CCDC158: variants seen among roughly 807,000 people sequenced by gnomAD.
The protein encoded by CCDC158 is coiled-coil domain containing 158.
In CCDC158, 116 loss-of-function variants were observed where a neutral mutation model predicts 138.6. The ratio of observed to expected loss-of-function variants is 0.84; its 90% confidence interval spans 0.72 to 0.98. The LOEUF (loss-of-function observed/expected upper bound fraction) is 0.98. Ranked by LOEUF, CCDC158 falls within the 50% of genes least tolerant of loss-of-function variation. CCDC158 has a pLI of 0.00. For synonymous variants in CCDC158, 436 were observed against 442.4 expected (o/e 0.99, Z 0.18); for missense variants, 1,265 against 1,306.1 (o/e 0.97, Z 0.48).
At chr4:76,321,854 T>C (rs745947616) in intron 24 of CCDC158, among the ~76,000 whole-genome samples, 2 of 150,226 alleles carry the variant, frequency 1.3e-5, no homozygotes, top group African/African-American at 2.4e-5. Flanking sequence ...ATGGCATTTG[T>C]AGCAACCTGC....
At chr4:76,324,393 G>A (rs187177834) in intron 23 of CCDC158, among the ~76,000 whole-genome samples, 4 of 152,102 alleles carry the variant, frequency 2.6e-5, no homozygotes, top group Admixed American at 2.6e-4. Flanking sequence ...CTCCATGTTG[G>A]TTAGGCTGGT....
intron 3 of CCDC158, chr4:76,402,252 C>T (rs984395948): frequency 6.6e-6 from 1 of 152,272 alleles, no homozygotes; most frequent in Non-Finnish European, 1.5e-5. Context: ...TGTCCTTCCC[C>T]TTCTCTGTTG....
Position 76,343,835 on chromosome 4 carries a change from G to A in CCDC158, c.2664+7161C>T, listed in dbSNP as rs192224723. On this transcript the variant is annotated intron_variant, in intron 18 of 24. Coordinates refer to ENST00000682701, the MANE Select transcript of CCDC158 (RefSeq NM_001394954.1). ...AACAAACAAACAAACAAACAAACCA[G>A]GAAAGTGTTGTATCCATGAAAGAAC... Among the ~76,000 whole-genome samples, 888 of 151,920 alleles carry A rather than the reference G, an allele frequency of 5.8e-3. 7 individuals are homozygous for A. Among genetic ancestry groups the A allele is most frequent in the African/African-American group, 0.02 (823 of 41,394 alleles).
intron 18 of CCDC158, among the ~76,000 whole-genome samples, chr4:76,349,166 C>T (rs1364471359): frequency 6.6e-6 from 1 of 152,118 alleles, no homozygotes; most frequent in Non-Finnish European, 1.5e-5. Context: ...ATTCATTCAT[C>T]TATGAGATAA....
At chr4:76,386,257 A>G (rs1022359476) in intron 4 of CCDC158, among the ~76,000 whole-genome samples, 1 of 152,238 alleles carries the variant, frequency 6.6e-6, no homozygotes, top group Non-Finnish European at 1.5e-5. Context: ...GAAGAGCACC[A>G]TCATAAGAAC....
At chr4:76,404,843 G>A (rs1728687382) in intron 2 of CCDC158, among the ~76,000 whole-genome samples, 1 of 151,804 alleles carries the variant, frequency 6.6e-6, no homozygotes, top group Non-Finnish European at 1.5e-5. Context: ...TGGGCAACAG[G>A]GCAAGACCCC....
chr4:76,367,603 T>C lies in CCDC158; in HGVS notation c.1521A>G (p.Glu507=), dbSNP rs1201568299. The change falls in exon 12 of 25, where the codon GAA becomes GAG. Residue 507 remains glutamate (E), a synonymous_variant. Coordinates refer to ENST00000682701, the MANE Select transcript of CCDC158 (RefSeq NM_001394954.1). The part of the protein sequence containing the change: ...TISDLTTSLQ[E]KERAIEATNA... ...TGGTAGCCTCGATGGCTCTCTCTTT[T>C]TCCTGGAGAGAAGTTGTCAGGTCCG... 2.5e-6 allele frequency: 4 copies of C among 1,614,230 alleles called. No homozygotes were observed. The highest frequency in any genetic ancestry group is 3.4e-6 in the Non-Finnish European group (4 of 1,180,038).
At chr4:76,364,053 C>T (rs1242960791) in intron 12 of CCDC158, among the ~76,000 whole-genome samples, 2 of 152,004 alleles carry the variant, frequency 1.3e-5, no homozygotes, top group African/African-American at 4.8e-5. Context: ...TGTCAGAAAC[C>T]CCCAGCATGG....
intron 4 of CCDC158, among the ~76,000 whole-genome samples, chr4:76,394,527 T>A (rs553334090): frequency 2.0e-5 from 3 of 151,420 alleles, no homozygotes; most frequent in Middle Eastern, 3.4e-3. Flanking sequence ...GGTTAATGGG[T>A]ACAAAAAAAA....
chr4:76,345,271 T>G (rs1722435125), intron 18 of CCDC158: 2 of 944,080 alleles, frequency 2.1e-6, no homozygotes, highest in African/African-American at 3.2e-5. Flanking sequence ...CGATACTACA[T>G]GCTCAACATC....
At position 76,403,282 on chromosome 4, in the gene CCDC158, T is replaced by A. The variant is rs908634199; in HGVS notation, c.-73-2A>T. ...CTCTTTGGTTCTTTTGGTTCCTGTCTATGAAAGACAGAGATTCAATCTTTA... is the reference window on the plus strand; with the variant it reads ...CTCTTTGGTTCTTTTGGTTCCTGTCAATGAAAGACAGAGATTCAATCTTTA... On this transcript the variant is annotated splice_acceptor_variant, in intron 2 of 24. Transcript: ENST00000682701. LOFTEE classifies it low-confidence loss of function (5UTR_SPLICE). 2 of 989,974 alleles carry A rather than the reference T, an allele frequency of 2.0e-6. No homozygotes were observed. Among genetic ancestry groups the A allele is most frequent in the Admixed American group, 2.7e-5 (1 of 37,546 alleles). 61.3% of individuals were successfully genotyped at this position (989,974 alleles called of 1,614,324 possible). A position where few individuals can be genotyped will look rare whatever the true frequency, so the allele number is the denominator to read the frequency against.
At chr4:76,361,435 G>A (rs1849216) in intron 13 of CCDC158, among the ~76,000 whole-genome samples, 90,071 of 151,680 alleles carry the variant, frequency 0.59, 27,835 homozygotes, top group East Asian at 0.79. Context: ...GGTGGTGGGC[G>A]CCTGTAGTCC....
Position 76,367,437 on chromosome 4 carries a change from C to G in CCDC158, c.1687G>C (p.Val563Leu). Residue 563 changes from valine to leucine, a missense_variant, in exon 12 of 25, where the codon GTG becomes CTG. Coordinates refer to ENST00000682701, the MANE Select transcript of CCDC158 (RefSeq NM_001394954.1). ...LKLQMTEKDKVIEILRQQIEN... is the reference protein window; with the variant it reads ...LKLQMTEKDKLIEILRQQIEN... Reference sequence around the variant, plus strand: ...ATCTGCTGTCGCAGAATCTCGATCACCTTGTCCTTCTCTGTCATCTGCAGT... The same window carrying G: ...ATCTGCTGTCGCAGAATCTCGATCAGCTTGTCCTTCTCTGTCATCTGCAGT... The G allele has an allele frequency of 1.2e-6, 2 of 1,614,240 alleles. No homozygotes were observed. The highest frequency in any genetic ancestry group is 1.7e-6 in the Non-Finnish European group (2 of 1,180,054).
chr4:76,418,266 G>A (rs1033747924), intron 1 of CCDC158, among the ~76,000 whole-genome samples: 5 of 152,176 alleles, frequency 3.3e-5, no homozygotes, highest in Non-Finnish European at 5.9e-5. Context: ...TGGTGCTGGG[G>A]TTGGGAATGG....
rs1204211581 is a variant in CCDC158, at chr4:76,325,917, T to C, written c.3109A>G (p.Ile1037Val). ...SLLTSSVEGS[I>V]GSTSQYRSAK... ...GATCTATACTGTGATGTGGAACCTA[T>C]TGAACCTTCAACTGAACTAGTTAGG... The change falls in exon 23 of 25, where the codon ATA becomes GTA. Residue 1037 changes from isoleucine to valine, a missense_variant. Physicochemically the swap from Ile to Val is conservative, Grantham distance 29 (BLOSUM62 3). Transcript: ENST00000682701. 7.4e-6 allele frequency: 12 copies of C among 1,613,722 alleles called. No individual in the cohort carries two copies. The highest frequency in any genetic ancestry group is 6.7e-5 in the East Asian group (3 of 44,862).
At chr4:76,320,423 C>A (rs1183842875) in intron 24 of CCDC158, among the ~76,000 whole-genome samples, 1 of 152,118 alleles carries the variant, frequency 6.6e-6, no homozygotes, top group Non-Finnish European at 1.5e-5. Context: ...TCATTCTTCA[C>A]AGAACTGGAA....
chr4:76,355,326 T>C lies in CCDC158; in HGVS notation c.2284A>G (p.Lys762Glu). ...FLEEAMTNAN[K>E]EKHFLKEEKS... ...CCACTCTGAGGACAGCAACCCACCT[T>C]ATTTGCATTTGTCATTGCCTCTTCC... is the stretch of plus-strand genomic sequence containing the variant. The change falls in exon 15 of 25, where the codon AAG (lysine) becomes GAG (glutamate). Residue 762 changes from lysine to glutamate, a missense_variant and splice_region_variant. Coordinates refer to ENST00000682701, the MANE Select transcript of CCDC158 (RefSeq NM_001394954.1). 1 of 1,604,572 alleles carries C rather than the reference T, an allele frequency of 6.2e-7. No homozygotes were observed. The highest frequency in any genetic ancestry group is 8.5e-7 in the Non-Finnish European group (1 of 1,171,304).
Position 76,350,967 on chromosome 4 carries a change from C to T in CCDC158, c.2664+29G>A, listed in dbSNP as rs546763236. The stretch of plus-strand genomic sequence containing the variant: ...AAATTACTTACGCATATGTCATTTG[C>T]GTAATGGATCATAAGACTGGTTACT... On this transcript the variant is annotated intron_variant, in intron 18 of 24. Transcript: ENST00000682701. 36 of 1,599,598 alleles carry T rather than the reference C, an allele frequency of 2.3e-5. No homozygotes were observed. In the South Asian group the frequency reaches 2.3e-4, roughly 10 times the overall value.
Position 76,420,965 on chromosome 4 carries a change from C to T in CCDC158, c.-117G>A, listed in dbSNP as rs1730074093. ...CTCCCGGGCCGCGCCCCGCTTGTAC[C>T]TGCAACCAACACCTAATCCTAAGAC... On this transcript the variant is annotated splice_region_variant and 5_prime_UTR_variant, in exon 1 of 25. Transcript: ENST00000682701. Among the ~76,000 whole-genome samples the T allele has an allele frequency of 6.6e-6, 1 of 152,158 alleles. No individual in the cohort carries two copies. The highest frequency in any genetic ancestry group is 2.4e-5 in the African/African-American group (1 of 41,462).
Sources: allele counts gnomAD v4.1 joint callset (sites outside exome capture counted in the v4.1 genomes callset), GRCh38; gene constraint gnomAD v4.1.1; transcripts MANE v1.5; gene names NCBI Gene and HGNC (gene_info 2026-07-23, HGNC 2026-07-21).